Variants in PNPLA6 observed in about 807,000 individuals in gnomAD.
PNPLA6 encodes patatin-like phospholipase domain-containing protein 6.
A neutral mutation model predicts 153.7 loss-of-function variants in PNPLA6; 105 were observed. The ratio of observed to expected loss-of-function variants is 0.68; its 90% CI spans 0.58 to 0.80. PNPLA6 has a LOEUF of 0.80. Among genes scored for constraint, PNPLA6 ranks in the 30% least tolerant of loss-of-function variants. PNPLA6 has a pLI of 0.00. For synonymous variants in PNPLA6, 825 were observed against 822.2 expected, an observed-to-expected ratio of 1.00 and a Z score of -0.06; for missense variants, 1,423 against 1,919.3, an observed-to-expected ratio of 0.74 and a Z score of 4.83.
intron 3 of PNPLA6, among the ~76,000 whole-genome samples, chr19:7,538,327 T>A (rs576878299): frequency 2.0e-5 from 3 of 152,058 alleles, no homozygotes; most frequent in African/African-American, 7.2e-5. Context: ...ACCATGGGCA[T>A]GCACCACCAT....
In PNPLA6 at chr19:7,535,948, A is replaced by ATCGGGGCCGGAGTGGCGGTGGTGG. The variant is rs753682780; in HGVS notation, c.163_186dup (p.Gly55_Val62dup). On this transcript the variant is annotated inframe_insertion, in exon 1 of 32. Coordinates refer to ENST00000600737, the MANE Select transcript of PNPLA6 (RefSeq NM_001166114.2). This position sits in a 1 kb window ranked among gnomAD's most constrained non-coding sequence, Gnocchi z 5.0. ...CGTCCCTCAGGTGCTTGGCGTGATGATCGGGGCCGGAGTGGCGGTGGTGGT... is the reference window on the plus strand; with the variant it reads ...CGTCCCTCAGGTGCTTGGCGTGATGATCGGGGCCGGAGTGGCGGTGGTGGTCGGGGCCGGAGTGGCGGTGGTGGT... 16 of 1,587,736 alleles carry ATCGGGGCCGGAGTGGCGGTGGTGG rather than the reference A, an allele frequency of 1.0e-5. No individual in the cohort carries two copies. Among genetic ancestry groups the ATCGGGGCCGGAGTGGCGGTGGTGG allele is most frequent in the South Asian group, 2.3e-5 (2 of 87,574 alleles).
chr19:7,544,027 G>A (rs993750254), intron 13 of PNPLA6, among the ~76,000 whole-genome samples: 3 of 151,376 alleles, frequency 2.0e-5, no homozygotes, highest in Admixed American at 2.0e-4. Flanking sequence ...GTTAGCCAGG[G>A]TGGTCTCGAT....
chr19:7,554,653 TG>T lies in PNPLA6; in HGVS notation c.2565del (p.Arg856AlafsTer39). 3 of 1,613,976 alleles carry T rather than the reference TG, an allele frequency of 1.9e-6. No homozygotes were observed. Among genetic ancestry groups the T allele is most frequent in the Non-Finnish European group, 2.5e-6 (3 of 1,180,002 alleles). ...QTDASLTPWT[V>X]RCLRQADCIL... ...GACGCCTCGCTGACGCCCTGGACCG[TG>T]CGCTGCCTGCGACAGGCCGACTGCA... On this transcript the variant is annotated frameshift_variant, in exon 21 of 32. Coordinates refer to ENST00000600737, the MANE Select transcript of PNPLA6 (RefSeq NM_001166114.2). LOFTEE classifies it high-confidence loss of function.
chr19:7,535,665 G>A (rs377182045), upstream of PNPLA6: 81 of 1,542,914 alleles, frequency 5.2e-5, no homozygotes, highest in East Asian at 2.7e-4. The surrounding 1 kb of genome is among the most constrained non-coding windows in gnomAD (Gnocchi z 5.0). Flanking sequence ...GCATTACGTG[G>A]TCTGGCGATA....
intron 3 of PNPLA6, 105 bp from the exon 4 acceptor site, chr19:7,539,813 G>C: frequency 4.5e-6 from 3 of 663,432 alleles, no homozygotes; most frequent in East Asian, 5.8e-5. Context: ...GCGGGCCAGA[G>C]TTTGCTGTAC....
chr19:7,556,326 T>G, intron 24 of PNPLA6, 127 bp from the exon 25 acceptor site: 1 of 768,598 alleles, frequency 1.3e-6, no homozygotes, highest in Middle Eastern at 2.3e-4. Context: ...GCCTCCAAAG[T>G]GCTGGGATTA....
chr19:7,540,423 C>T lies in PNPLA6; in HGVS notation c.714+115C>T, dbSNP rs1420188210. 13 of 1,247,490 alleles carry T rather than the reference C, an allele frequency of 1.0e-5. No homozygotes were observed. Among genetic ancestry groups the T allele is most frequent in the East Asian group, 2.4e-5 (1 of 41,330 alleles). 77.3% of individuals were successfully genotyped at this position (1,247,490 alleles called of 1,614,324 possible). A position where few individuals can be genotyped will look rare whatever the true frequency, so the allele number is the denominator to read the frequency against. On this transcript the variant is annotated intron_variant, in intron 5 of 31. Transcript: ENST00000600737. The surrounding 1 kb of genome is among the most constrained non-coding windows in gnomAD (Gnocchi z 6.8). ...GATGCGTCATCGGGAGTCAGGGGAA[C>T]GGGTGACCGAGGACATTTGGGGTAG...
chr19:7,554,321 C>T, intron 20 of PNPLA6, 49 bp downstream of exon 20: 7 of 1,537,074 alleles, frequency 4.6e-6, no homozygotes, highest in Non-Finnish European at 6.3e-6. Context: ...GGCCTGGAGC[C>T]TCAAATTCTT....
intron 26 of PNPLA6, 79 bp downstream of exon 26, chr19:7,556,803 C>A: frequency 9.5e-7 from 1 of 1,052,072 alleles, no homozygotes; most frequent in Non-Finnish European, 1.5e-6. Flanking sequence ...GGCCGCTGAG[C>A]TTCTGGGACG....
chr19:7,551,557 C>T (rs892179787), intron 18 of PNPLA6, 120 bp downstream of exon 18: 10 of 887,710 alleles, frequency 1.1e-5, no homozygotes, highest in Middle Eastern at 2.2e-4. Context: ...AGAAATCGTG[C>T]CCCTGAGGGT....
intron 3 of PNPLA6, among the ~76,000 whole-genome samples, chr19:7,539,373 G>A (rs1188537771): frequency 2.0e-5 from 3 of 151,904 alleles, no homozygotes; most frequent in African/African-American, 2.4e-5. Flanking sequence ...CAGCTACTTG[G>A]GAGGCCGAGG....
At position 7,541,008 on chromosome 19, in the gene PNPLA6, C is replaced by T. The variant is rs756180538; in HGVS notation, c.881C>T (p.Ala294Val). ...CGCCTGCCGGTGGAAGCATTCTCCG[C>T]GGTCTTCACCAAGTACCCGGAGAGC... ...VLRLPVEAFSAVFTKYPESLV... is the reference protein window; with the variant it reads ...VLRLPVEAFSVVFTKYPESLV... The change falls in exon 7 of 32, where the codon GCG (alanine) becomes GTG (valine). Residue 294 changes from alanine to valine, a missense_variant. By Grantham distance (64) the Ala-to-Val change is moderately conservative. Coordinates refer to ENST00000600737, the MANE Select transcript of PNPLA6 (RefSeq NM_001166114.2). The surrounding 1 kb of genome is among the most constrained non-coding windows in gnomAD (Gnocchi z 5.2). 8.2e-5 allele frequency: 132 copies of T among 1,611,050 alleles called. No homozygotes were observed. The highest frequency in any genetic ancestry group is 1.7e-4 in the Middle Eastern group (1 of 5,958).
chr19:7,543,193 G>C, intron 13 of PNPLA6, 109 bp downstream of exon 13: 2 of 953,098 alleles, frequency 2.1e-6, no homozygotes, highest in Non-Finnish European at 3.4e-6. Context: ...TTCTCCCATA[G>C]AAGCAGACCT....
At chr19:7,560,238 G>C (rs2024044634) in intron 28 of PNPLA6, among the ~76,000 whole-genome samples, 1 of 152,128 alleles carries the variant, frequency 6.6e-6, no homozygotes, top group South Asian at 2.1e-4. Flanking sequence ...GAAGCCCTGA[G>C]TCTGAGAAGA....
rs762830786 is a variant in PNPLA6 at position 7,555,807 on chromosome 19, A to G, written c.3093+44A>G. 6.2e-7 allele frequency: 1 copy of G among 1,604,660 alleles called. No individual in the cohort carries two copies. The highest frequency in any genetic ancestry group is 1.1e-5 in the South Asian group (1 of 90,730). ...GATTGCTGCACCCCAGGAGTGCCAT[A>G]AAACCCGTGGTTCCAACCTAACCTG... On this transcript the variant is annotated intron_variant, in intron 24 of 31. Coordinates refer to ENST00000600737, the MANE Select transcript of PNPLA6 (RefSeq NM_001166114.2). This position sits in a 1 kb window ranked among gnomAD's most constrained non-coding sequence, Gnocchi z 6.3.
chr19:7,541,976 T>TC lies in PNPLA6; in HGVS notation c.1169-3dup. ...AGGGGCAGGAGCCTGAACATGTGTC[T>TC]CCCCCAGGGGACCCTGTGAAGCCCA... is the stretch of plus-strand genomic sequence containing the variant. On this transcript the variant is annotated splice_polypyrimidine_tract_variant and splice_region_variant and intron_variant, in intron 9 of 31. Transcript: ENST00000600737. The surrounding 1 kb of genome is among the most constrained non-coding windows in gnomAD (Gnocchi z 5.2). 1 of 1,606,258 alleles carries TC rather than the reference T, an allele frequency of 6.2e-7. No individual in the cohort carries two copies. Among genetic ancestry groups the TC allele is most frequent in the East Asian group, 2.2e-5 (1 of 44,850 alleles).
rs772665971 is a variant in PNPLA6 at position 7,540,975 on chromosome 19, C to G, written c.848C>G (p.Thr283Arg). The G allele has an allele frequency of 2.9e-5, 46 of 1,610,476 alleles. No homozygotes were observed. The highest frequency in any genetic ancestry group is 3.7e-5 in the Non-Finnish European group (44 of 1,179,218). Residue 283 changes from threonine to arginine, a missense_variant, in exon 7 of 32, where the codon ACG becomes AGG. Coordinates refer to ENST00000600737, the MANE Select transcript of PNPLA6 (RefSeq NM_001166114.2). This position sits in a 1 kb window ranked among gnomAD's most constrained non-coding sequence, Gnocchi z 6.8. Reference protein sequence around the residue: ...TVSARAARDSTVLRLPVEAFS... With the variant: ...TVSARAARDSRVLRLPVEAFS... ...TCTGCCCGGGCGGCCCGGGACTCCA[C>G]GGTGCTGCGCCTGCCGGTGGAAGCA...
chr19:7,554,787 G>T, intron 21 of PNPLA6, 64 bp downstream of exon 21: 1 of 1,595,410 alleles, frequency 6.3e-7, no homozygotes, highest in Non-Finnish European at 8.5e-7. Context: ...TCCCGTGCCT[G>T]CACCAGGCCA....
intron 3 of PNPLA6, among the ~76,000 whole-genome samples, chr19:7,539,619 T>G (rs1378871635): frequency 6.6e-6 from 1 of 151,426 alleles, no homozygotes; most frequent in African/African-American, 2.4e-5. Flanking sequence ...TAGCTGGGCG[T>G]GGTGGCACAT....
Sources: allele counts gnomAD v4.1 joint callset (sites outside exome capture counted in the v4.1 genomes callset), GRCh38; gene constraint gnomAD v4.1.1; non-coding constraint Gnocchi (gnomAD v3.1); transcripts MANE v1.5; gene names NCBI Gene and HGNC (gene_info 2026-07-23, HGNC 2026-07-21).